The following ATP8B4 variants were observed in gnomAD, a reference collection of about 807,000 sequenced individuals.
The protein encoded by ATP8B4 is ATPase phospholipid transporting 8B4 (putative), also known as probable phospholipid-transporting ATPase IM.
In ATP8B4, 133 loss-of-function variants were observed where a neutral mutation model predicts 145.6. The ratio of observed to expected loss-of-function variants is 0.91; its 90% CI spans 0.79 to 1.05. ATP8B4 has a LOEUF of 1.05. Among genes scored for constraint, ATP8B4 ranks in the 50% least tolerant of loss-of-function variants. The pLI is 0.00. For missense variants in ATP8B4, 1,458 were observed against 1,425.2 expected, an observed-to-expected ratio of 1.02 and a Z score of -0.37; for synonymous variants, 507 against 492.9, an observed-to-expected ratio of 1.03 and a Z score of -0.38.
At chr15:50,148,977 T>C (rs892026239) in intron 1 of ATP8B4, among the ~76,000 whole-genome samples, 2 of 152,218 alleles carry the variant, frequency 1.3e-5, no homozygotes, top group African/African-American at 2.4e-5. Flanking sequence ...AAGTACTTAG[T>C]ATGTATCTCA....
intron 11 of ATP8B4, among the ~76,000 whole-genome samples, chr15:49,980,855 C>T (rs1398554139): frequency 2.6e-5 from 4 of 152,180 alleles, no homozygotes; most frequent in Non-Finnish European, 5.9e-5. Context: ...CAGCCCTGCC[C>T]ACCATAAGCT....
In ATP8B4 at chr15:49,935,343, A is replaced by G. The variant is rs375956697; in HGVS notation, c.1288-1161T>C. On this transcript the variant is annotated intron_variant, in intron 14 of 27. Transcript: ENST00000284509. Reference sequence around the variant, plus strand: ...TACAGATGAGAACCTGAGCATTGCCAAGGCCAACCATATACATCCATCAGC... The same window carrying G: ...TACAGATGAGAACCTGAGCATTGCCGAGGCCAACCATATACATCCATCAGC... Among the ~76,000 whole-genome samples, 209 of 152,202 alleles carry G rather than the reference A, an allele frequency of 1.4e-3. 1 individual carries two copies. The highest frequency in any genetic ancestry group is 4.9e-3 in the African/African-American group (203 of 41,532).
intron 6 of ATP8B4, among the ~76,000 whole-genome samples, chr15:50,020,824 A>G (rs763406591): frequency 3.9e-5 from 6 of 152,208 alleles, no homozygotes; most frequent in African/African-American, 1.4e-4. Context: ...TTATTAAGGT[A>G]CTACTGCTAT....
At chr15:50,051,841 T>C (rs905516026) in intron 3 of ATP8B4, among the ~76,000 whole-genome samples, 1 of 152,228 alleles carries the variant, frequency 6.6e-6, no homozygotes, top group Non-Finnish European at 1.5e-5. Flanking sequence ...CTGAGTTCCA[T>C]ATAGGTAAAG....
At chr15:50,134,173 T>G (rs1182470606) in intron 1 of ATP8B4, among the ~76,000 whole-genome samples, 1 of 151,670 alleles carries the variant, frequency 6.6e-6, no homozygotes, top group Non-Finnish European at 1.5e-5. Context: ...AATGATAGAC[T>G]GTCAGTGAGA....
chr15:49,912,016 T>C (rs897347123), intron 20 of ATP8B4, among the ~76,000 whole-genome samples: 58 of 151,996 alleles, frequency 3.8e-4, no homozygotes, highest in East Asian at 1.9e-4. Flanking sequence ...CCAAAACCTA[T>C]GGAATACAGC....
chr15:50,044,759 A>T (rs2051591910), intron 4 of ATP8B4, 67 bp from the exon 5 acceptor site: 9 of 1,129,626 alleles, frequency 8.0e-6, no homozygotes, highest in South Asian at 6.9e-5. Flanking sequence ...AAACTGTGTC[A>T]TTTAATTTCA....
intron 9 of ATP8B4, among the ~76,000 whole-genome samples, chr15:49,991,442 C>T (rs1328122789): frequency 6.6e-6 from 1 of 152,078 alleles, no homozygotes; most frequent in Non-Finnish European, 1.5e-5. Flanking sequence ...CGGGGTTTTC[C>T]CCAAGGAATA....
At chr15:50,123,382 A>G (rs190451858), upstream of ATP8B4, among the ~76,000 whole-genome samples, 23 of 152,298 alleles carry the variant, frequency 1.5e-4, no homozygotes, top group East Asian at 4.4e-3. Context: ...CCTTTGTAGG[A>G]CTAACAAATT....
At chr15:50,157,965 T>C (rs79831498) in intron 1 of ATP8B4, among the ~76,000 whole-genome samples, 85,743 of 151,864 alleles carry the variant, frequency 0.56, 24,867 homozygotes, top group East Asian at 0.93. Context: ...CTGTGTTGGC[T>C]GGGCTGGTCT....
chr15:50,157,899 C>T (rs1027298979), intron 1 of ATP8B4, among the ~76,000 whole-genome samples: 8 of 152,272 alleles, frequency 5.3e-5, no homozygotes, highest in African/African-American at 9.6e-5. Flanking sequence ...CGATTGCAGG[C>T]GCGTGCCGCC....
rs757705989 is a variant in ATP8B4 at position 50,047,396 on chromosome 15, G to A, written c.156C>T (p.Phe52=). The change falls in exon 4 of 28, where the codon TTC becomes TTT. Residue 52 remains phenylalanine, a synonymous_variant. Coordinates refer to ENST00000284509, the MANE Select transcript of ATP8B4 (RefSeq NM_024837.4). The part of the protein sequence containing the change: ...TFLPINLFEQ[F]QRVANAYFLC... ...GAAAATAGGCATTTGCCACTCTTTG[G>A]AACTGTTCAAATAAATTAATTGGCA... The A allele has an allele frequency of 1.3e-6, 2 of 1,599,264 alleles. No homozygotes were observed. The highest frequency in any genetic ancestry group is 1.7e-6 in the Non-Finnish European group (2 of 1,166,652).
intron 1 of ATP8B4, among the ~76,000 whole-genome samples, chr15:50,110,333 T>C (rs1368661502): frequency 2.0e-5 from 3 of 152,166 alleles, no homozygotes; most frequent in Admixed American, 6.5e-5. Context: ...GGAGGACTCA[T>C]AGTAATGTAG....
intron 3 of ATP8B4, among the ~76,000 whole-genome samples, chr15:50,061,331 A>G (rs996050798): frequency 3.9e-5 from 6 of 152,218 alleles, no homozygotes; most frequent in Non-Finnish European, 8.8e-5. Context: ...GGAAGCAAGA[A>G]GGAGCATAAC....
At chr15:50,041,112 C>A (rs1332124388) in intron 5 of ATP8B4, among the ~76,000 whole-genome samples, 1 of 152,140 alleles carries the variant, frequency 6.6e-6, no homozygotes, top group Non-Finnish European at 1.5e-5. Flanking sequence ...ACCATTTATT[C>A]CTCTATGAAG....
chr15:50,031,442 A>G (rs2050436181), intron 6 of ATP8B4, among the ~76,000 whole-genome samples: 2 of 152,178 alleles, frequency 1.3e-5, no homozygotes, highest in Admixed American at 1.3e-4. Context: ...GAAAGGGAAT[A>G]ACTCAATGGA....
chr15:49,963,731 G>A (rs1245909246), intron 13 of ATP8B4, among the ~76,000 whole-genome samples: 2 of 152,118 alleles, frequency 1.3e-5, no homozygotes, highest in African/African-American at 2.4e-5. Context: ...ACACATGCGG[G>A]ATACAGCACA....
intron 3 of ATP8B4, among the ~76,000 whole-genome samples, chr15:50,058,499 C>T (rs1391964964): frequency 6.6e-6 from 1 of 152,136 alleles, no homozygotes; most frequent in Non-Finnish European, 1.5e-5. Context: ...TGGAAAGGCA[C>T]CCATAAAGAA....
intron 1 of ATP8B4, among the ~76,000 whole-genome samples, chr15:50,176,692 AT>A (rs1315104037): frequency 1.3e-5 from 2 of 152,208 alleles, no homozygotes; most frequent in African/African-American, 4.8e-5. Flanking sequence ...TAGCACACAT[AT>A]TAGCACTAGA....
Sources: gnomAD v4.1 joint callset for allele counts (sites outside exome capture counted in the v4.1 genomes callset) on GRCh38, gnomAD v4.1.1 for gene constraint, MANE v1.5 for transcripts, NCBI Gene and HGNC (gene_info 2026-07-23, HGNC 2026-07-21) for gene names.